Variants in DTWD2 observed in about 807,000 individuals in gnomAD.
The protein encoded by DTWD2 is DTW motif tRNA-uridine aminocarboxypropyltransferase 2.
A neutral mutation model predicts 31.8 loss-of-function variants in DTWD2; 39 were observed. The observed-to-expected ratio is 1.22, with a 90% CI of 0.95 to 1.60. The LOEUF is 1.60. DTWD2 is among the 40% of genes most tolerant of loss of function. The probability of loss-of-function intolerance (pLI) is 0.00; values close to 1 mark genes in which losing one functional copy is unlikely to be tolerated. For missense variants in DTWD2, 515 were observed against 381.5 expected (o/e 1.35, Z -2.92); for synonymous variants, 180 against 142.8 (o/e 1.26, Z -1.86).
At chr5:118,868,497 T>C (rs1270572116) in intron 4 of DTWD2, among the ~76,000 whole-genome samples, 2 of 152,092 alleles carry the variant, frequency 1.3e-5, no homozygotes, top group Non-Finnish European at 2.9e-5. Flanking sequence ...GAGAAAATAT[T>C]TGCAAATCAT....
intron 1 of DTWD2, among the ~76,000 whole-genome samples, chr5:118,949,071 G>A (rs1754401531): frequency 6.6e-6 from 1 of 152,094 alleles, no homozygotes; most frequent in African/African-American, 2.4e-5. Context: ...GGCTTTGAAG[G>A]AGGATACGCG....
At chr5:118,865,104 G>A (rs754789789) in intron 4 of DTWD2, among the ~76,000 whole-genome samples, 110 of 152,140 alleles carry the variant, frequency 7.2e-4, no homozygotes, top group Middle Eastern at 3.4e-3. Context: ...ATAACCTTAC[G>A]TATGATACAC....
intron 5 of DTWD2, 52 bp downstream of exon 5, chr5:118,848,037 TA>T: frequency 7.0e-7 from 1 of 1,437,152 alleles, no homozygotes; most frequent in Middle Eastern, 2.0e-4. Context: ...ATCTTCTAGG[TA>T]AAATCTAAGA....
chr5:118,943,981 C>G (rs1377479959), intron 2 of DTWD2, among the ~76,000 whole-genome samples: 3 of 152,268 alleles, frequency 2.0e-5, no homozygotes, highest in Non-Finnish European at 2.9e-5. Flanking sequence ...TTATAACTTC[C>G]TCCCCTCTTC....
chr5:118,938,788 A>G (rs1372782011), intron 3 of DTWD2, among the ~76,000 whole-genome samples: 1 of 149,748 alleles, frequency 6.7e-6, no homozygotes, highest in African/African-American at 2.5e-5. Context: ...ACTGAACTAA[A>G]TCTAATACAA....
At chr5:118,935,715 C>T (rs1754030663) in intron 3 of DTWD2, among the ~76,000 whole-genome samples, 1 of 152,102 alleles carries the variant, frequency 6.6e-6, no homozygotes, top group African/African-American at 2.4e-5. Flanking sequence ...ACATATTCAC[C>T]TACTTGAAGA....
intron 4 of DTWD2, among the ~76,000 whole-genome samples, chr5:118,915,558 T>C (rs1753556052): frequency 1.3e-5 from 2 of 152,032 alleles, no homozygotes; most frequent in Non-Finnish European, 2.9e-5. Context: ...GTATTTTTAG[T>C]AGAGATGGGG....
intron 3 of DTWD2, among the ~76,000 whole-genome samples, chr5:118,933,031 AC>A (rs1753961903): frequency 6.6e-6 from 1 of 152,196 alleles, no homozygotes; most frequent in African/African-American, 2.4e-5. Flanking sequence ...AATAAATACT[AC>A]AAAAAACTCA....
At chr5:118,942,399 T>C (rs547501890) in intron 2 of DTWD2, among the ~76,000 whole-genome samples, 9 of 152,094 alleles carry the variant, frequency 5.9e-5, no homozygotes, top group Non-Finnish European at 1.2e-4. Context: ...AAAAACTGTA[T>C]GGATGCATTT....
chr5:118,946,279 C>A (rs1202063036), intron 1 of DTWD2, among the ~76,000 whole-genome samples: 1 of 152,174 alleles, frequency 6.6e-6, no homozygotes, highest in South Asian at 2.1e-4. Context: ...CTGCCCCACA[C>A]TGGATTTCCT....
chr5:118,939,153 G>C (rs1237269559), intron 3 of DTWD2, 43 bp downstream of exon 3: 1 of 1,552,322 alleles, frequency 6.4e-7, no homozygotes, highest in African/African-American at 1.4e-5. Flanking sequence ...TTTAAGATCT[G>C]TGTAGAAAAG....
intron 4 of DTWD2, among the ~76,000 whole-genome samples, chr5:118,855,166 CA>C (rs577100147): frequency 8.5e-4 from 106 of 125,360 alleles, no homozygotes; most frequent in Admixed American, 7.9e-4. Flanking sequence ...AACTCTGTCT[CA>C]AAAAAAAAAA....
intron 4 of DTWD2, among the ~76,000 whole-genome samples, chr5:118,913,653 C>A (rs1753510007): frequency 6.6e-6 from 1 of 151,814 alleles, no homozygotes; most frequent in South Asian, 2.1e-4. Context: ...GTTAAAAACA[C>A]AGTCTAGCTA....
chr5:118,949,676 G>T (rs1159145987), intron 1 of DTWD2, among the ~76,000 whole-genome samples: 1 of 152,122 alleles, frequency 6.6e-6, no homozygotes, highest in African/African-American at 2.4e-5. Context: ...GTTTTAATGG[G>T]ATGTTAAGGG....
intron 1 of DTWD2, among the ~76,000 whole-genome samples, chr5:118,980,864 CTG>C (rs1189879818): frequency 2.0e-5 from 3 of 152,260 alleles, no homozygotes; most frequent in South Asian, 2.1e-4. Context: ...AAAACAAAAA[CTG>C]AGAGTAGGAA....
intron 1 of DTWD2, chr5:118,974,474 G>C: frequency 2.1e-6 from 1 of 469,672 alleles, no homozygotes; most frequent in South Asian, 1.7e-5. Context: ...ACCAGCCTTC[G>C]GAGCGTTCTC....
intron 4 of DTWD2, among the ~76,000 whole-genome samples, chr5:118,910,637 G>C (rs967296582): frequency 1.3e-5 from 2 of 152,088 alleles, no homozygotes; most frequent in African/African-American, 2.4e-5. Context: ...CCATTATCCA[G>C]TTCCGAACCT....
chr5:118,945,394 T>A (rs1020224251), intron 1 of DTWD2, among the ~76,000 whole-genome samples: 1 of 152,202 alleles, frequency 6.6e-6, no homozygotes, highest in Non-Finnish European at 1.5e-5. Context: ...TGGTTTTTTA[T>A]GTCCTTCCAA....
intron 2 of DTWD2, among the ~76,000 whole-genome samples, chr5:118,944,059 G>C (rs75755585): frequency 0.026 from 3,901 of 152,192 alleles, 61 homozygotes; most frequent in Non-Finnish European, 0.026. Context: ...ACCTGCACAA[G>C]AAAGTATTAA....
Sources: allele counts gnomAD v4.1 joint callset (sites outside exome capture counted in the v4.1 genomes callset), GRCh38; gene constraint gnomAD v4.1.1; transcripts MANE v1.5; gene names NCBI Gene and HGNC (gene_info 2026-07-23, HGNC 2026-07-21).